AFTPH: variants seen among roughly 807,000 people sequenced by gnomAD.
AFTPH encodes aftiphilin protein.
AFTPH carries 7 observed loss-of-function variants against 72.5 expected under a neutral mutation model. That is an observed-to-expected ratio of 0.10 (90% CI 0.05 to 0.18). The LOEUF is 0.18. AFTPH is among the 10% of genes least tolerant of loss of function. The pLI is 1.00. For synonymous variants in AFTPH, 337 were observed against 370.1 expected (o/e 0.91, Z 1.03); for missense variants, 979 against 1,060.5 (o/e 0.92, Z 1.07).
chr2:64,569,183 C>A (rs776943966), exon 4 of AFTPH: 1 of 1,613,914 alleles, frequency 6.2e-7, no homozygotes, highest in South Asian at 1.1e-5. Flanking sequence ...CAACAAGAAG[C>A]TTTTGTCCTC....
chr2:64,558,294 G>A (rs181584740), intron 2 of AFTPH, among the ~76,000 whole-genome samples: 6 of 152,196 alleles, frequency 3.9e-5, no homozygotes, highest in Middle Eastern at 3.4e-3. Context: ...TCCTTGATAG[G>A]GTCTTGGAAA....
intron 2 of AFTPH, among the ~76,000 whole-genome samples, chr2:64,561,638 C>G (rs771062533): frequency 6.6e-6 from 1 of 152,070 alleles, no homozygotes; most frequent in Non-Finnish European, 1.5e-5. Flanking sequence ...GTGATGGCAC[C>G]ACTGCGCTGA....
intron 2 of AFTPH, among the ~76,000 whole-genome samples, chr2:64,555,588 CACACACACACAA>C (rs1671308296): frequency 6.6e-6 from 1 of 151,634 alleles, no homozygotes; most frequent in Non-Finnish European, 1.5e-5. Context: ...CACACACACA[CACACACACACAA>C]GACTTTCTTG....
intron 1 of AFTPH, among the ~76,000 whole-genome samples, chr2:64,551,116 AT>A (rs1195673148): frequency 1.3e-5 from 2 of 152,162 alleles, no homozygotes; most frequent in Non-Finnish European, 2.9e-5. Flanking sequence ...CCAGGAGAGA[AT>A]TTTGTAGCTG....
At chr2:64,589,816 A>G (rs1673710512) in intron 8 of AFTPH, among the ~76,000 whole-genome samples, 1 of 152,088 alleles carries the variant, frequency 6.6e-6, no homozygotes, top group Admixed American at 6.6e-5. Context: ...AGTAAAGTAT[A>G]TTTTTAGAAA....
At chr2:64,586,750 A>G (rs1673541924) in intron 8 of AFTPH, among the ~76,000 whole-genome samples, 2 of 152,200 alleles carry the variant, frequency 1.3e-5, no homozygotes, top group Non-Finnish European at 2.9e-5. Context: ...CTCCTCTTCA[A>G]TGAACCTACT....
At chr2:64,531,137 A>G (rs996662031) in intron 1 of AFTPH, among the ~76,000 whole-genome samples, 2 of 151,828 alleles carry the variant, frequency 1.3e-5, no homozygotes, top group African/African-American at 4.8e-5. Flanking sequence ...TGCCATTTTC[A>G]AGTTATCTCT....
At chr2:64,527,335 C>G (rs1486372710) in intron 1 of AFTPH, among the ~76,000 whole-genome samples, 4 of 152,168 alleles carry the variant, frequency 2.6e-5, no homozygotes, top group African/African-American at 9.7e-5. Context: ...AATCCCAGCA[C>G]TTTGGGAGAC....
Position 64,576,196 on chromosome 2 carries a change from T to TAACA in AFTPH, c.2394+3129_2394+3132dup, listed in dbSNP as rs1333625036. 8.8e-5 allele frequency among the ~76,000 whole-genome samples: 13 copies of TAACA among 147,574 alleles called. No homozygotes were observed. In the East Asian group the frequency reaches 2.0e-3, roughly 22 times the overall value. ...GGATTTACATATACATATATATATA[T>TAACA]AACATATATATATATGTAAATATAT... On this transcript the variant is annotated intron_variant, in intron 6 of 8. Transcript: ENST00000238856.
intron 7 of AFTPH, chr2:64,580,253 G>A (rs1325801387): frequency 6.6e-6 from 1 of 152,618 alleles, no homozygotes; most frequent in Non-Finnish European, 1.5e-5. Context: ...AGATGTAATT[G>A]CTCTTACTGC....
exon 2 of AFTPH, chr2:64,552,067 A>G: frequency 1.9e-6 from 3 of 1,614,022 alleles, no homozygotes; most frequent in Non-Finnish European, 1.7e-6. Flanking sequence ...CAGGGAACAG[A>G]TGATCTGGAC....
At chr2:64,586,140 T>G (rs1335991637) in intron 8 of AFTPH, among the ~76,000 whole-genome samples, 1 of 152,218 alleles carries the variant, frequency 6.6e-6, no homozygotes, top group Non-Finnish European at 1.5e-5. Flanking sequence ...TCAGAGAATC[T>G]TTAGTTTCAT....
At chr2:64,570,450 T>C (rs1335969887) in intron 5 of AFTPH, among the ~76,000 whole-genome samples, 2 of 152,232 alleles carry the variant, frequency 1.3e-5, no homozygotes, top group Non-Finnish European at 2.9e-5. Context: ...CTACAAACTT[T>C]CTCCATGAAT....
At chr2:64,547,149 A>G (rs1255155479) in intron 1 of AFTPH, among the ~76,000 whole-genome samples, 1 of 152,258 alleles carries the variant, frequency 6.6e-6, no homozygotes, top group Non-Finnish European at 1.5e-5. Flanking sequence ...CTGTTAAAGT[A>G]GATGACTCAC....
rs116421586 is a variant in AFTPH, at chr2:64,559,705, G to A, written c.1935+6296G>A. Among the ~76,000 whole-genome samples the A allele has an allele frequency of 1.3e-3, 193 of 152,158 alleles. 1 individual carries two copies. The highest frequency in any genetic ancestry group is 4.3e-3 in the African/African-American group (179 of 41,514). On this transcript the variant is annotated intron_variant, in intron 2 of 8. Coordinates refer to ENST00000238856, the Ensembl canonical transcript of AFTPH. ...TACTCCCAGAATAACATGTTTTCGC[G>A]TTCTTTGGTTTGTTTTTGAGACAGG...
At chr2:64,572,914 A>C (rs749812273) in intron 5 of AFTPH, 32 bp from the exon 6 acceptor site, 1 of 1,613,556 alleles carries the variant, frequency 6.2e-7, no homozygotes, top group South Asian at 1.1e-5. Flanking sequence ...GTGCACCCCC[A>C]TCCCCATTAA....
chr2:64,550,498 T>C (rs1670962043), intron 1 of AFTPH, among the ~76,000 whole-genome samples: 2 of 152,180 alleles, frequency 1.3e-5, no homozygotes, highest in East Asian at 3.8e-4. Flanking sequence ...TATATAACAT[T>C]CTTGATGTAA....
exon 3 of AFTPH, chr2:64,567,647 C>T (rs866227926): frequency 6.2e-7 from 1 of 1,613,466 alleles, no homozygotes; most frequent in Non-Finnish European, 8.5e-7. Flanking sequence ...GAAGTTACTT[C>T]CCTGAAGCAC....
In AFTPH at chr2:64,589,954, G is replaced by A. The variant is rs986893347; in HGVS notation, c.2580-1931G>A. On this transcript the variant is annotated intron_variant, in intron 8 of 8. Coordinates refer to ENST00000238856, the Ensembl canonical transcript of AFTPH. ...ATGCAAATACATATATGGGGGGGGG[G>A]GGGGGGTTTCCACCAAAAATGAGAT... Among the ~76,000 whole-genome samples the A allele has an allele frequency of 4.0e-5, 6 of 149,358 alleles. No individual in the cohort carries two copies. In the South Asian group the frequency reaches 1.1e-3, roughly 27 times the overall value.
Sources: allele counts gnomAD v4.1 joint callset (sites outside exome capture counted in the v4.1 genomes callset), GRCh38; gene constraint gnomAD v4.1.1; transcripts MANE v1.5; gene names NCBI Gene and HGNC (gene_info 2026-07-23, HGNC 2026-07-21).